Variants in MTERF3 observed in about 807,000 individuals in gnomAD.
The protein encoded by MTERF3 is mitochondrial transcription termination factor 3.
Under a neutral mutation model 40.5 loss-of-function variants are expected in MTERF3, and 40 were observed. The observed-to-expected ratio is 0.99, with a 90% CI of 0.77 to 1.29. The LOEUF is 1.29. MTERF3 is among the 50% of genes most tolerant of loss of function. MTERF3 has a pLI of 0.00. For synonymous variants in MTERF3, 158 were observed against 166.6 expected, an observed-to-expected ratio of 0.95 and a Z score of 0.40; for missense variants, 452 against 478.2, an observed-to-expected ratio of 0.95 and a Z score of 0.51.
intron 6 of MTERF3, among the ~76,000 whole-genome samples, chr8:96,245,280 A>G (rs1810000634): frequency 6.6e-6 from 1 of 152,182 alleles, no homozygotes; most frequent in Non-Finnish European, 1.5e-5. Flanking sequence ...AAATACTACT[A>G]CAGCTTTATA....
chr8:96,257,790 T>G (rs183994783), intron 2 of MTERF3, among the ~76,000 whole-genome samples: 1 of 152,220 alleles, frequency 6.6e-6, no homozygotes, highest in Non-Finnish European at 1.5e-5. Flanking sequence ...TCATCATTTA[T>G]AGCCAGCATC....
chr8:96,244,048 G>A lies in MTERF3; in HGVS notation c.930C>T (p.Asn310=), dbSNP rs150135437. 1.6e-5 allele frequency: 26 copies of A among 1,613,236 alleles called. No individual in the cohort carries two copies. The East Asian group carries it at 2.7e-4, about 17-fold the overall frequency. The change falls in exon 7 of 8, where the codon AAC becomes AAT. Residue 310 remains asparagine (N), a synonymous_variant. Transcript: ENST00000287025. The stretch of plus-strand genomic sequence containing the variant: ...TTCTGGTGATCATATGTTGAATTTC[G>A]TTATGTTTAAAACCAAGTTCAAGAC... ...VYRLELGFKH[N]EIQHMITRIP... is the part of the protein sequence containing the mutation.
At chr8:96,249,965 G>A (rs1312925060) in intron 4 of MTERF3, among the ~76,000 whole-genome samples, 1 of 152,116 alleles carries the variant, frequency 6.6e-6, no homozygotes, top group East Asian at 1.9e-4. Context: ...ACAGGTGGGG[G>A]CGACGATGAA....
chr8:96,248,941 A>G (rs1416181628), intron 4 of MTERF3, among the ~76,000 whole-genome samples: 1 of 152,190 alleles, frequency 6.6e-6, no homozygotes, highest in Non-Finnish European at 1.5e-5. Flanking sequence ...ACTCTTTTGA[A>G]TACATGTGGC....
intron 2 of MTERF3, 61 bp from the exon 3 acceptor site, chr8:96,257,175 G>C: frequency 6.8e-7 from 1 of 1,477,190 alleles, no homozygotes; most frequent in Non-Finnish European, 9.1e-7. Flanking sequence ...TTTCTGCAAA[G>C]ACCAGCTCTT....
intron 6 of MTERF3, 95 bp downstream of exon 6, chr8:96,245,765 G>C (rs1810008974): frequency 3.9e-6 from 4 of 1,021,252 alleles, no homozygotes; most frequent in Non-Finnish European, 2.9e-6. Flanking sequence ...TTAAAGTCTA[G>C]TTTTCTTTTA....
chr8:96,256,900 A>C, intron 3 of MTERF3, 62 bp downstream of exon 3: 1 of 1,464,242 alleles, frequency 6.8e-7, no homozygotes, highest in Non-Finnish European at 9.1e-7. Flanking sequence ...TGTTAATTTA[A>C]AAAAGTAAAA....
chr8:96,247,847 A>T (rs1160953968), intron 4 of MTERF3, among the ~76,000 whole-genome samples: 1 of 152,224 alleles, frequency 6.6e-6, no homozygotes, highest in Non-Finnish European at 1.5e-5. Context: ...TGTCTCAGAG[A>T]CAGAACTAAT....
chr8:96,250,784 C>CA (rs144208498), intron 4 of MTERF3, 122 bp downstream of exon 4: 282,920 of 828,702 alleles, frequency 0.34, 52,214 homozygotes, highest in Non-Finnish European at 0.36. Flanking sequence ...AGGTCTATAA[C>CA]AAAAAAAATT....
At chr8:96,250,525 A>G (rs932461895) in intron 4 of MTERF3, among the ~76,000 whole-genome samples, 5 of 148,530 alleles carry the variant, frequency 3.4e-5, no homozygotes, top group African/African-American at 1.2e-4. Context: ...AGCCTGGCCA[A>G]TGTGGCGAAA....
intron 7 of MTERF3, among the ~76,000 whole-genome samples, chr8:96,241,134 G>A (rs922776557): frequency 3.0e-4 from 46 of 152,028 alleles, no homozygotes; most frequent in African/African-American, 8.4e-4. Context: ...TCACCCGGCC[G>A]GGCGCGGTGG....
rs780979256 is a variant in MTERF3 at position 96,245,940 on chromosome 8, GC to G, written c.826-10del. The G allele has an allele frequency of 1.2e-6, 2 of 1,612,448 alleles. No individual in the cohort carries two copies. Among genetic ancestry groups the G allele is most frequent in the Non-Finnish European group, 1.7e-6 (2 of 1,179,082 alleles). ...ACTACCAGATCTCTAGTCTGTGGTT[GC>G]AAACAAAACAATCTAGTATTACTAT... On this transcript the variant is annotated splice_polypyrimidine_tract_variant and intron_variant, in intron 5 of 7. Coordinates refer to ENST00000287025, the MANE Select transcript of MTERF3 (RefSeq NM_015942.5).
chr8:96,256,355 A>G (rs528112971), intron 3 of MTERF3, among the ~76,000 whole-genome samples: 79 of 152,310 alleles, frequency 5.2e-4, no homozygotes, highest in African/African-American at 1.5e-3. Context: ...GAAATGAAAT[A>G]CATCATCTGA....
chr8:96,250,681 A>AGGAGG lies in MTERF3; in HGVS notation c.677+224_677+225insCCTCC, dbSNP rs1586169109. ...GAAGAAGAAGAAGAAGAAGAAGAAGAAGGAGGAGGAGGAGGGGGGGAGGGG... is the reference window on the plus strand; with the variant it reads ...GAAGAAGAAGAAGAAGAAGAAGAAGAGGAGGAGGAGGAGGAGGAGGGGGGGAGGGG... On this transcript the variant is annotated intron_variant, in intron 4 of 7. Transcript: ENST00000287025. Among the ~76,000 whole-genome samples the AGGAGG allele has an allele frequency of 9.9e-4, 23 of 23,336 alleles. 2 individuals carry two copies. The highest frequency in any genetic ancestry group is 7.4e-3 in the East Asian group (7 of 940). 15.3% of individuals were successfully genotyped at this position (23,336 alleles called of 152,430 possible).
chr8:96,241,434 C>CA (rs200357980), intron 7 of MTERF3, among the ~76,000 whole-genome samples: 4,565 of 150,612 alleles, frequency 0.03, 111 homozygotes, highest in Middle Eastern at 0.058. Context: ...AAACAAAAAA[C>CA]AAAAAAAAAC....
Position 96,256,926 on chromosome 8 carries a change from A to G in MTERF3, c.487+36T>C, listed in dbSNP as rs747015728. 3 of 1,565,684 alleles carry G rather than the reference A, an allele frequency of 1.9e-6. No individual in the cohort carries two copies. In the South Asian group the frequency reaches 3.6e-5, roughly 19 times the overall value. ...AAAAGTAAAAAAAGTAATGAAGAGT[A>G]CATGCAAAAAGTACTTGTAGTTTAG... On this transcript the variant is annotated intron_variant, in intron 3 of 7. Transcript: ENST00000287025.
At chr8:96,250,083 C>A (rs894137133) in intron 4 of MTERF3, among the ~76,000 whole-genome samples, 1 of 152,048 alleles carries the variant, frequency 6.6e-6, no homozygotes, top group African/African-American at 2.4e-5. Context: ...TATTTATTTT[C>A]ACAAATTCAA....
At chr8:96,252,142 G>A (rs1810197202) in intron 3 of MTERF3, among the ~76,000 whole-genome samples, 1 of 152,204 alleles carries the variant, frequency 6.6e-6, no homozygotes, top group African/African-American at 2.4e-5. Flanking sequence ...CAGCCATATG[G>A]AACTGTAAGT....
At chr8:96,250,615 C>CGAAGAAGAAGAAGAAGAAGAAGAAGA (rs1810131728) in intron 4 of MTERF3, among the ~76,000 whole-genome samples, 1 of 11,790 alleles carries the variant, frequency 8.5e-5, no homozygotes, top group Admixed American at 1.3e-3. Context: ...GAGGCTGAGG[C>CGAAGAAGAAGAAGAAGAAGAAGAAGA]AGAAGAAGAA....
Sources: allele counts gnomAD v4.1 joint callset (sites outside exome capture counted in the v4.1 genomes callset), GRCh38; gene constraint gnomAD v4.1.1; transcripts MANE v1.5; gene names NCBI Gene and HGNC (gene_info 2026-07-23, HGNC 2026-07-21).